The following TRMT11 variants were observed in gnomAD, a reference collection of about 807,000 sequenced individuals.
The protein encoded by TRMT11 is tRNA methyltransferase 11.
TRMT11 carries 53 observed loss-of-function variants against 62.8 expected under a neutral mutation model. The ratio of observed to expected loss-of-function variants is 0.84; its 90% CI spans 0.68 to 1.06. The LOEUF (loss-of-function observed/expected upper bound fraction) is 1.06, where lower values mean the gene tolerates loss of function less well. Among genes scored for constraint, TRMT11 ranks in the 50% least tolerant of loss-of-function variants. The pLI, the probability that TRMT11 is intolerant of heterozygous loss-of-function variation, is 0.00. For missense variants in TRMT11, 556 were observed against 553.4 expected, an observed-to-expected ratio of 1.00 and a Z score of -0.05; for synonymous variants, 188 against 190.3, an observed-to-expected ratio of 0.99 and a Z score of 0.10.
rs760050849 is a variant in TRMT11, at chr6:126,055,345, C to T, written c.*1437+2155C>T. 7.9e-5 allele frequency among the ~76,000 whole-genome samples: 12 copies of T among 152,136 alleles called. No individual in the cohort carries two copies. In the East Asian group the frequency reaches 9.6e-4, roughly 12 times the overall value. ...AATCCTCTAGCCCTTGCTTGTGGCC[C>T]GCCTGGTTTTCTCTAACACTCCCTG... On this transcript the variant is annotated intron_variant and NMD_transcript_variant, in intron 17 of 22. Coordinates refer to the TRMT11 transcript ENST00000648977.
intron 21 of TRMT11, among the ~76,000 whole-genome samples, chr6:126,144,130 G>A (rs553530589): frequency 2.0e-5 from 3 of 152,086 alleles, no homozygotes; most frequent in Non-Finnish European, 4.4e-5. Flanking sequence ...TCACGGTCTG[G>A]TGCTCCTGAA....
intron 17 of TRMT11, among the ~76,000 whole-genome samples, chr6:126,055,550 TAAAAATA>T (rs1776348076): frequency 1.3e-5 from 2 of 152,036 alleles, no homozygotes; most frequent in Admixed American, 1.3e-4. Flanking sequence ...CTCTGGCACT[TAAAAATA>T]AAAAATAAAA....
the TRMT11 span, among the ~76,000 whole-genome samples, chr6:126,240,205 A>G: frequency 6.6e-6 from 1 of 152,166 alleles, no homozygotes. Flanking sequence ...TTCTTCTCTC[A>G]ACTCGTCAAA....
At chr6:126,154,449 C>T (rs553114811) in intron 21 of TRMT11, among the ~76,000 whole-genome samples, 63 of 151,996 alleles carry the variant, frequency 4.1e-4, no homozygotes, top group Non-Finnish European at 5.9e-4. Flanking sequence ...TACTGTAGCA[C>T]GTAGAAATTT....
At chr6:126,258,026 G>C in the TRMT11 span, 6 of 1,460,780 alleles carry the variant, frequency 4.1e-6, no homozygotes, top group Non-Finnish European at 5.8e-6. Context: ...GCAGCTCCTC[G>C]ACCCTGGCAG....
chr6:125,999,645 A>G, intron 7 of TRMT11, 32 bp downstream of exon 7: 3 of 1,555,510 alleles, frequency 1.9e-6, no homozygotes, highest in Non-Finnish European at 2.6e-6. Flanking sequence ...GCTAGTGTAG[A>G]GATGTTGCTT....
chr6:126,117,323 GCT>G (rs972978252), intron 21 of TRMT11, among the ~76,000 whole-genome samples: 21 of 152,096 alleles, frequency 1.4e-4, no homozygotes, highest in Middle Eastern at 3.4e-3. Flanking sequence ...CAACACTGCA[GCT>G]CTCTTTCTTA....
Position 125,993,775 on chromosome 6 carries a change from T to C in TRMT11, c.91T>C (p.Leu31=). Residue 31 remains leucine (L), a synonymous_variant, in exon 2 of 13, where the codon TTG becomes CTG. Transcript: ENST00000334379. ...FRLPEIKSLL[L]LFGGQFASSQ... Reference sequence around the variant, plus strand: ...AATACAGGAAATAAAGTCTTTGCTTTTGCTTTTTGGAGGTCAGTTTGCCAG... The same window carrying C: ...AATACAGGAAATAAAGTCTTTGCTTCTGCTTTTTGGAGGTCAGTTTGCCAG... 1.2e-6 allele frequency: 2 copies of C among 1,610,014 alleles called. No individual in the cohort carries two copies. The highest frequency in any genetic ancestry group is 1.7e-6 in the Non-Finnish European group (2 of 1,176,924).
At chr6:126,171,332 A>G (rs1028517196) in intron 21 of TRMT11, among the ~76,000 whole-genome samples, 1 of 151,872 alleles carries the variant, frequency 6.6e-6, no homozygotes, top group Non-Finnish European at 1.5e-5. Flanking sequence ...AACCCTGGCA[A>G]GTGATAGATA....
At chr6:126,263,948 T>C in the TRMT11 span, among the ~76,000 whole-genome samples, 1 of 152,226 alleles carries the variant, frequency 6.6e-6, no homozygotes, top group Admixed American at 6.5e-5. Context: ...TCATTAATAT[T>C]AGTTTGTTTT....
At chr6:126,226,949 T>C in the TRMT11 span, among the ~76,000 whole-genome samples, 1 of 151,542 alleles carries the variant, frequency 6.6e-6, no homozygotes, top group African/African-American at 2.4e-5. Flanking sequence ...TAAAGGGGAG[T>C]TTCCCTGCAC....
chr6:126,187,661 C>T (rs1778541926), intron 1 of TRMT11, among the ~76,000 whole-genome samples: 1 of 151,814 alleles, frequency 6.6e-6, no homozygotes, highest in Non-Finnish European at 1.5e-5. Flanking sequence ...TCTAGCATAG[C>T]CAAAGCAATC....
the TRMT11 span, among the ~76,000 whole-genome samples, chr6:126,261,676 C>A: frequency 6.6e-6 from 1 of 152,134 alleles, no homozygotes; most frequent in African/African-American, 2.4e-5. Context: ...AACATGGACT[C>A]CATGAAGTTT....
intron 17 of TRMT11, among the ~76,000 whole-genome samples, chr6:126,093,585 G>GCATATATATA (rs1777298990): frequency 2.1e-5 from 1 of 46,666 alleles, no homozygotes; most frequent in Non-Finnish European, 3.8e-5. Flanking sequence ...GGATATGTAT[G>GCATATATATA]TATATATATA....
chr6:126,192,606 G>A (rs191768617), intron 1 of TRMT11, among the ~76,000 whole-genome samples: 4 of 151,980 alleles, frequency 2.6e-5, no homozygotes, highest in Admixed American at 6.6e-5. Flanking sequence ...ATTGGGTTGA[G>A]GTATGCTCCT....
chr6:126,127,847 C>T (rs1424630804), intron 21 of TRMT11, among the ~76,000 whole-genome samples: 2 of 151,962 alleles, frequency 1.3e-5, no homozygotes, highest in Non-Finnish European at 2.9e-5. Context: ...AAGTGGATGA[C>T]CACTTGGTGG....
intron 21 of TRMT11, among the ~76,000 whole-genome samples, chr6:126,142,390 T>A (rs1338379388): frequency 6.6e-6 from 1 of 152,120 alleles, no homozygotes; most frequent in East Asian, 1.9e-4. Flanking sequence ...TGATTTGTAT[T>A]TGTATTATAA....
chr6:126,217,911 GA>G, the TRMT11 span, among the ~76,000 whole-genome samples: 1 of 152,066 alleles, frequency 6.6e-6, no homozygotes, highest in Non-Finnish European at 1.5e-5. Context: ...GAAGCCTTAG[GA>G]ATCTACCTAA....
At chr6:126,199,849 T>C (rs1260198950) in exon 3 of TRMT11, 1 of 152,172 alleles carries the variant, frequency 6.6e-6, no homozygotes, top group African/African-American at 2.4e-5. Flanking sequence ...TGCCTAGCAA[T>C]GAAGACCTCA....
Sources: allele counts gnomAD v4.1 joint callset (sites outside exome capture counted in the v4.1 genomes callset), GRCh38; gene constraint gnomAD v4.1.1; transcripts MANE v1.5; gene names NCBI Gene and HGNC (gene_info 2026-07-23, HGNC 2026-07-21).